CFAP97: variants seen among roughly 807,000 people sequenced by gnomAD.
CFAP97 encodes cilia- and flagella-associated protein 97.
CFAP97 carries 36 observed loss-of-function variants against 43.1 expected under a neutral mutation model. The observed-to-expected ratio is 0.84, with a 90% CI of 0.64 to 1.10. The LOEUF is 1.10. Among genes scored for constraint, CFAP97 ranks in the 50% least tolerant of loss-of-function variants. The pLI is 0.00. For missense variants in CFAP97, 657 were observed against 620.3 expected (o/e 1.06, Z -0.63); for synonymous variants, 228 against 225.7 (o/e 1.01, Z -0.09).
chr4:185,175,728 G>A (rs773169146), intron 3 of CFAP97, 58 bp downstream of exon 3: 11 of 1,509,772 alleles, frequency 7.3e-6, no homozygotes, highest in Admixed American at 7.3e-5. Context: ...CTGTAAGCTG[G>A]ACATACAAAT....
chr4:185,206,607 C>T (rs1386469555), upstream of CFAP97, among the ~76,000 whole-genome samples: 5 of 131,932 alleles, frequency 3.8e-5, no homozygotes, highest in African/African-American at 8.5e-5. Flanking sequence ...TGCAGTGAGC[C>T]GAGATTGCGC....
chr4:185,209,283 T>A lies in CFAP97; in HGVS notation c.-74+42A>T, dbSNP rs889568774. 6.6e-6 allele frequency: 1 copy of A among 152,278 alleles called. No homozygotes were observed. The highest frequency in any genetic ancestry group is 1.5e-5 in the Non-Finnish European group (1 of 68,056). 9.4% of individuals were successfully genotyped at this position (152,278 alleles called of 1,614,324 possible). The stretch of plus-strand genomic sequence containing the variant: ...CCGGCTGTAAGCAAAGCGAAGAGGT[T>A]ACTCGTCAGTGATGAGCGGAGAGGG... On this transcript the variant is annotated intron_variant, in intron 1 of 2. Transcript: ENST00000503223. This position sits in a 1 kb window ranked among gnomAD's most constrained non-coding sequence, Gnocchi z 5.2.
chr4:185,203,854 C>G (rs149134676), intron 1 of CFAP97, 44 bp downstream of exon 1: 1 of 151,790 alleles, frequency 6.6e-6, no homozygotes, highest in East Asian at 1.9e-4. Flanking sequence ...GCGTGGCGGG[C>G]GCCCCGCGAG....
intron 2 of CFAP97, among the ~76,000 whole-genome samples, chr4:185,187,215 T>C (rs1459269575): frequency 6.6e-6 from 1 of 152,210 alleles, no homozygotes. Flanking sequence ...TTAACAGGAA[T>C]GGGCAACTGT....
intron 2 of CFAP97, among the ~76,000 whole-genome samples, chr4:185,179,590 A>T (rs1735703075): frequency 6.6e-6 from 1 of 152,180 alleles, no homozygotes; most frequent in South Asian, 2.1e-4. Flanking sequence ...GGCCACATGG[A>T]GAACCCCACA....
intron 1 of CFAP97, among the ~76,000 whole-genome samples, chr4:185,195,155 T>C (rs1206101296): frequency 1.3e-5 from 2 of 150,728 alleles, no homozygotes; most frequent in East Asian, 2.0e-4. Context: ...AAGGATACAC[T>C]GAGATCTACA....
At chr4:185,194,775 T>C (rs1387282022) in intron 1 of CFAP97, among the ~76,000 whole-genome samples, 1 of 152,338 alleles carries the variant, frequency 6.6e-6, no homozygotes, top group Non-Finnish European at 1.5e-5. Flanking sequence ...TAATACAATT[T>C]ACAGTTAAAG....
rs138956409 is a variant in CFAP97 at position 185,192,283 on chromosome 4, T to C, written c.-16-1071A>G. Among the ~76,000 whole-genome samples, 54 of 152,330 alleles carry C rather than the reference T, an allele frequency of 3.5e-4. No individual in the cohort carries two copies. In the East Asian group the frequency reaches 8.7e-3, roughly 24 times the overall value. ...GAAAATGAAAGGGGAAGAGTATATA[T>C]GTCTCACTGTGTTAAAGGGGGTCTG... On this transcript the variant is annotated intron_variant, in intron 1 of 4. Coordinates refer to ENST00000458385, the MANE Select transcript of CFAP97 (RefSeq NM_020827.3).
At position 185,191,176 on chromosome 4, in the gene CFAP97, T is replaced by A. The variant is rs1736239725; in HGVS notation, c.21A>T (p.Ile7=). ...AAGAATGGTCCACTTCACCTTCTAATATATCTCCAAACTGATCCATGATGG... is the reference window on the plus strand; with the variant it reads ...AAGAATGGTCCACTTCACCTTCTAAAATATCTCCAAACTGATCCATGATGG... MDQFGD[I]LEGEVDHSFF... is the part of the protein sequence containing the mutation. Residue 7 remains isoleucine (I), a synonymous_variant, in exon 2 of 5, where the codon ATA becomes ATT. Coordinates refer to ENST00000458385, the MANE Select transcript of CFAP97 (RefSeq NM_020827.3). The A allele has an allele frequency of 6.3e-7, 1 of 1,583,360 alleles. No individual in the cohort carries two copies. The highest frequency in any genetic ancestry group is 1.4e-5 in the African/African-American group (1 of 73,604).
intron 3 of CFAP97, chr4:185,170,182 C>A: frequency 1.7e-6 from 1 of 587,132 alleles, no homozygotes; most frequent in Non-Finnish European, 2.8e-6. Flanking sequence ...ACCATCTCCA[C>A]TAAAAATACA....
rs1734867389 is a variant in CFAP97 at position 185,161,368 on chromosome 4, G to A, written c.*1430C>T. ...TTGTAAAATGCAGTAACACCTTACT[G>A]TTAAAGGTGCTAAGGAAAAAAGCAT... On this transcript the variant is annotated 3_prime_UTR_variant, in exon 5 of 5. Transcript: ENST00000458385. The A allele has an allele frequency of 6.6e-6, 1 of 152,190 alleles. No individual in the cohort carries two copies. Among genetic ancestry groups the A allele is most frequent in the Non-Finnish European group, 1.5e-5 (1 of 68,038 alleles). The allele number at this position is 152,190 out of a possible 1,614,324, so 9.4% of individuals were successfully genotyped here. A position where few individuals can be genotyped will look rare whatever the true frequency, so the allele number is the denominator to read the frequency against.
At chr4:185,188,701 T>A (rs1374742540) in intron 2 of CFAP97, among the ~76,000 whole-genome samples, 1 of 118,344 alleles carries the variant, frequency 8.4e-6, no homozygotes, top group Non-Finnish European at 2.0e-5. Context: ...TAGGATTGAT[T>A]TACTTTTTTT....
In CFAP97 at chr4:185,176,349, G is replaced by A. The variant is rs1007974512; in HGVS notation, c.1055-298C>T. 4.6e-5 allele frequency among the ~76,000 whole-genome samples: 7 copies of A among 152,136 alleles called. No individual in the cohort carries two copies. In the South Asian group the frequency reaches 6.2e-4, roughly 14 times the overall value. On this transcript the variant is annotated intron_variant, in intron 2 of 4. Coordinates refer to ENST00000458385, the MANE Select transcript of CFAP97 (RefSeq NM_020827.3). ...GCTGGTCTCGAACTCCTGACCTCAG[G>A]TGATCCACCCACCTCAGCCTCCCAA... is the stretch of plus-strand genomic sequence containing the variant.
At chr4:185,191,435 A>G (rs1736251394) in intron 1 of CFAP97, among the ~76,000 whole-genome samples, 1 of 152,256 alleles carries the variant, frequency 6.6e-6, no homozygotes, top group African/African-American at 2.4e-5. Context: ...CCCATAGTTA[A>G]GTTCACAAGA....
At chr4:185,165,050 T>C (rs1294529485) in intron 3 of CFAP97, among the ~76,000 whole-genome samples, 1 of 152,246 alleles carries the variant, frequency 6.6e-6, no homozygotes, top group Non-Finnish European at 1.5e-5. Context: ...TTCTGTATTG[T>C]CTGTTTTATA....
At chr4:185,179,225 G>C (rs1054988490) in intron 2 of CFAP97, among the ~76,000 whole-genome samples, 1 of 152,126 alleles carries the variant, frequency 6.6e-6, no homozygotes. Context: ...GGCATCTGTG[G>C]AAAGAGCGAA....
chr4:185,206,907 A>T (rs572788152), upstream of CFAP97, among the ~76,000 whole-genome samples: 13 of 152,328 alleles, frequency 8.5e-5, no homozygotes, highest in African/African-American at 3.1e-4. Flanking sequence ...ACTCTGAGGC[A>T]GTAGGCCTGA....
At chr4:185,188,137 C>T (rs1736083827) in intron 2 of CFAP97, among the ~76,000 whole-genome samples, 2 of 152,038 alleles carry the variant, frequency 1.3e-5, no homozygotes, top group African/African-American at 2.4e-5. Flanking sequence ...GCTCGTGATC[C>T]GCCTGCCTCA....
chr4:185,181,005 C>T (rs1385516579), intron 2 of CFAP97, among the ~76,000 whole-genome samples: 1 of 152,008 alleles, frequency 6.6e-6, no homozygotes, highest in Non-Finnish European at 1.5e-5. Context: ...GTGAACATAA[C>T]ATTTTTATTT....
Sources: gnomAD v4.1 joint callset for allele counts (sites outside exome capture counted in the v4.1 genomes callset) on GRCh38, gnomAD v4.1.1 for gene constraint, Gnocchi (gnomAD v3.1) non-coding constraint, MANE v1.5 for transcripts, NCBI Gene and HGNC (gene_info 2026-07-23, HGNC 2026-07-21) for gene names.